ATP11A: variants seen among roughly 807,000 people sequenced by gnomAD.
ATP11A encodes the protein ATPase phospholipid transporting 11A.
A neutral mutation model predicts 154.4 loss-of-function variants in ATP11A; 81 were observed. The ratio of observed to expected loss-of-function variants is 0.52; its 90% confidence interval spans 0.44 to 0.63. The LOEUF (loss-of-function observed/expected upper bound fraction) is 0.63. Among genes scored for constraint, ATP11A ranks in the 30% least tolerant of loss-of-function variants. The pLI is 0.00. For missense variants in ATP11A, 1,316 were observed against 1,474.3 expected (o/e 0.89, Z 1.76); for synonymous variants, 623 against 585.9 (o/e 1.06, Z -0.91).
rs1358882585 is a variant in ATP11A at position 112,859,569 on chromosome 13, G to A, written c.2727+117G>A. On this transcript the variant is annotated intron_variant, in intron 23 of 29. Coordinates refer to ENST00000375645, the MANE Select transcript of ATP11A (RefSeq NM_015205.3). This position sits in a 1 kb window ranked among gnomAD's most constrained non-coding sequence, Gnocchi z 4.3. ...GAGCAGCACTCCCCGGCACCACGAG[G>A]GAGCCAGGGTGCCCAGCAGCAGGCG... 1 of 903,418 alleles carries A rather than the reference G, an allele frequency of 1.1e-6. No individual in the cohort carries two copies. Among genetic ancestry groups the A allele is most frequent in the Non-Finnish European group, 1.8e-6 (1 of 544,300 alleles). 56.0% of individuals were successfully genotyped at this position (903,418 alleles called of 1,614,324 possible).
intron 29 of ATP11A, chr13:112,880,330 G>C (rs2080846933): frequency 4.6e-6 from 1 of 217,676 alleles, no homozygotes; most frequent in Admixed American, 5.7e-5. Context: ...TCAGTTCTGG[G>C]CTCGGGCCCC....
At position 112,820,955 on chromosome 13, in the gene ATP11A, A is replaced by G. The variant is rs2078782371; in HGVS notation, c.725+1005A>G. On this transcript the variant is annotated intron_variant, in intron 8 of 29. Coordinates refer to ENST00000375645, the MANE Select transcript of ATP11A (RefSeq NM_015205.3). ...GTCTCCAGGAGCTACTGTTTTAAGA[A>G]AACCATTTGTGCACTTCTTAGCATG... Among the ~76,000 whole-genome samples, 2 of 152,214 alleles carry G rather than the reference A, an allele frequency of 1.3e-5. 1 individual carries two copies. The highest frequency in any genetic ancestry group is 4.1e-4 in the South Asian group (2 of 4,830).
intron 12 of ATP11A, among the ~76,000 whole-genome samples, chr13:112,829,136 C>G (rs975975695): frequency 1.3e-5 from 2 of 152,202 alleles, no homozygotes; most frequent in Admixed American, 6.5e-5. Flanking sequence ...CTCCCGAGCA[C>G]GAGTGCCTTG....
rs778893343 is a variant in ATP11A, at chr13:112,857,877, T to C, written c.2478T>C (p.Gly826=). The C allele has an allele frequency of 1.2e-6, 2 of 1,614,124 alleles. No individual in the cohort carries two copies. Among genetic ancestry groups the C allele is most frequent in the East Asian group, 4.5e-5 (2 of 44,906 alleles). Residue 826 remains glycine (G), a synonymous_variant, in exon 21 of 30, where the codon GGT becomes GGC. Transcript: ENST00000375645. ...CAATCACGTTAGCAATTGGCGATGG[T>C]GCAAATGATGTCAGCATGATTCTGG... The part of the protein sequence containing the change: ...EHPITLAIGD[G]ANDVSMILEA...
chr13:112,704,031 G>A (rs905948415), intron 1 of ATP11A, among the ~76,000 whole-genome samples: 1 of 152,138 alleles, frequency 6.6e-6, no homozygotes, highest in Non-Finnish European at 1.5e-5. Context: ...AAATTGGACC[G>A]TGCTAGTTGG....
chr13:112,789,155 T>C (rs2077754311), intron 2 of ATP11A, among the ~76,000 whole-genome samples: 1 of 147,464 alleles, frequency 6.8e-6, no homozygotes, highest in African/African-American at 2.6e-5. Context: ...TCACACCGAG[T>C]GTCCTGATGT....
chr13:112,805,244 G>A (rs57524430), intron 3 of ATP11A, among the ~76,000 whole-genome samples, 198 bp downstream of exon 3: 2,408 of 152,282 alleles, frequency 0.016, 74 homozygotes, highest in African/African-American at 0.055. Flanking sequence ...TACACACGAC[G>A]CTACTTTGGG....
chr13:112,771,731 G>A (rs550650372), intron 1 of ATP11A, among the ~76,000 whole-genome samples: 8 of 152,348 alleles, frequency 5.3e-5, no homozygotes, highest in South Asian at 4.1e-4. Context: ...AGTCCCAGCC[G>A]CGGGCACACA....
intron 1 of ATP11A, among the ~76,000 whole-genome samples, chr13:112,757,209 C>T (rs7330867): frequency 0.014 from 2,198 of 152,332 alleles, 64 homozygotes; most frequent in African/African-American, 0.05. Flanking sequence ...CAGGGGCGAG[C>T]GTCTGGGAAT....
chr13:112,767,501 A>C (rs2077122195), intron 1 of ATP11A, among the ~76,000 whole-genome samples: 1 of 102,854 alleles, frequency 9.7e-6, no homozygotes, highest in African/African-American at 4.0e-5. Flanking sequence ...AAAGGTGGGG[A>C]GGATGTAGGG....
Position 112,813,705 on chromosome 13 carries a change from C to A in ATP11A, c.442-2378C>A, listed in dbSNP as rs141694226. Among the ~76,000 whole-genome samples, 133 of 152,098 alleles carry A rather than the reference C, an allele frequency of 8.7e-4. 2 individuals are homozygous for A. The East Asian group carries it at 0.02, about 23-fold the overall frequency. On this transcript the variant is annotated intron_variant, in intron 5 of 29. Transcript: ENST00000375645. ...CCAAATGGTTTTCCAGCATGGCCAT[C>A]CCATTTCATTCCCACGCACGACGTT...
At position 112,715,456 on chromosome 13, in the gene ATP11A, C is replaced by A. The variant is rs1317420197; in HGVS notation, c.39+25001C>A. ...CCCACACCTGGCCCACCTCCCCACA[C>A]CTGGCCCATCCCCCACACCTGGCCC... On this transcript the variant is annotated intron_variant, in intron 1 of 29. Coordinates refer to ENST00000375645, the MANE Select transcript of ATP11A (RefSeq NM_015205.3). 6.1e-5 allele frequency among the ~76,000 whole-genome samples: 8 copies of A among 131,272 alleles called. 1 individual carries two copies. Among genetic ancestry groups the A allele is most frequent in the African/African-American group, 2.0e-4 (7 of 34,996 alleles). 86.1% of individuals were successfully genotyped at this position (131,272 alleles called of 152,430 possible). A position where few individuals can be genotyped will look rare whatever the true frequency, so the allele number is the denominator to read the frequency against.
intron 1 of ATP11A, among the ~76,000 whole-genome samples, chr13:112,718,405 A>G (rs1377839337): frequency 2.0e-5 from 3 of 151,858 alleles, no homozygotes; most frequent in Admixed American, 6.6e-5. Context: ...TAAATTTACA[A>G]CTCTTCTGTC....
intron 1 of ATP11A, among the ~76,000 whole-genome samples, chr13:112,748,172 A>C (rs898394449): frequency 2.6e-5 from 4 of 152,210 alleles, no homozygotes; most frequent in African/African-American, 7.2e-5. Context: ...TGCATATGCA[A>C]ATGTCCCAAA....
At position 112,835,851 on chromosome 13, in the gene ATP11A, G is replaced by A. The variant is rs9577855; in HGVS notation, c.1632-327G>A. Among the ~76,000 whole-genome samples the A allele has an allele frequency of 9.2e-3, 1,404 of 152,366 alleles. 25 individuals are homozygous for A. Among genetic ancestry groups the A allele is most frequent in the African/African-American group, 0.03 (1,253 of 41,592 alleles). On this transcript the variant is annotated intron_variant, in intron 15 of 29. Coordinates refer to ENST00000375645, the MANE Select transcript of ATP11A (RefSeq NM_015205.3). ...ACACAACTTTGAGTCTCTGTTCAGC[G>A]GTGTTTAGGGAGGGAGTCGGTGCGT... is the stretch of plus-strand genomic sequence containing the variant.
chr13:112,697,469 G>C lies in ATP11A; in HGVS notation c.39+7014G>C, dbSNP rs990991377. Among the ~76,000 whole-genome samples, 12 of 152,146 alleles carry C rather than the reference G, an allele frequency of 7.9e-5. No individual in the cohort carries two copies. Among genetic ancestry groups the C allele is most frequent in the African/African-American group, 2.9e-4 (12 of 41,434 alleles). On this transcript the variant is annotated intron_variant, in intron 1 of 29. Coordinates refer to ENST00000375645, the MANE Select transcript of ATP11A (RefSeq NM_015205.3). The surrounding 1 kb of genome is among the most constrained non-coding windows in gnomAD (Gnocchi z 4.0). ...AGGTTGCCATTGGCAATTCGGAAGG[G>C]AATTCAGGGAGAGCAGCCGCAGTGC...
rs543035643 is a variant in ATP11A, at chr13:112,762,107, C to G, written c.40-23028C>G. Among the ~76,000 whole-genome samples the G allele has an allele frequency of 2.6e-5, 4 of 152,254 alleles. No homozygotes were observed. In the East Asian group the frequency reaches 7.7e-4, roughly 29 times the overall value. On this transcript the variant is annotated intron_variant, in intron 1 of 29. Coordinates refer to ENST00000375645, the MANE Select transcript of ATP11A (RefSeq NM_015205.3). ...ATTGTAACCTAAGGTCATGGAGACT[C>G]GTGCTTATGAGGTATATGTGGGTTT... is the stretch of plus-strand genomic sequence containing the variant.
chr13:112,809,951 G>C (rs1332391320), intron 4 of ATP11A, among the ~76,000 whole-genome samples: 4 of 152,326 alleles, frequency 2.6e-5, no homozygotes, highest in Middle Eastern at 6.8e-3. Context: ...CCGGGGTCAG[G>C]GTTAGCTCAG....
At chr13:112,727,199 C>T (rs2139669373) in intron 1 of ATP11A, among the ~76,000 whole-genome samples, 2 of 152,286 alleles carry the variant, frequency 1.3e-5, no homozygotes, top group East Asian at 1.9e-4. Context: ...AGGCATGTGC[C>T]ACCATGCCTG....
Sources: allele counts gnomAD v4.1 joint callset (sites outside exome capture counted in the v4.1 genomes callset), GRCh38; gene constraint gnomAD v4.1.1; non-coding constraint Gnocchi (gnomAD v3.1); transcripts MANE v1.5; gene names NCBI Gene and HGNC (gene_info 2026-07-23, HGNC 2026-07-21).